The following GAK variants were observed in gnomAD, a reference collection of about 807,000 sequenced individuals.
GAK encodes cyclin-G-associated kinase.
Under a neutral mutation model 143.9 loss-of-function variants are expected in GAK, and 79 were observed. The observed-to-expected ratio is 0.55, with a 90% confidence interval of 0.46 to 0.66. The LOEUF (loss-of-function observed/expected upper bound fraction) is 0.66. Ranked by LOEUF, GAK falls within the 30% of genes least tolerant of loss-of-function variation. GAK has a pLI of 0.00. For missense variants in GAK, 1,693 were observed against 1,779.7 expected (o/e 0.95, Z 0.88); for synonymous variants, 881 against 765.5 (o/e 1.15, Z -2.49).
Position 883,318 on chromosome 4 carries a change from G to T in GAK, c.1401C>A (p.Asn467Lys). The T allele has an allele frequency of 1.2e-6, 2 of 1,613,288 alleles. No individual in the cohort carries two copies. Among genetic ancestry groups the T allele is most frequent in the Non-Finnish European group, 1.7e-6 (2 of 1,179,932 alleles). ...PRTYRPSRFH[N>K]RVSECGWAAR... ...GACAAAGCCTGTGGCCACACACCCG[G>T]TTGTGGAACCTGGAGGGCCGGTAGG... Residue 467 changes from asparagine (N) to lysine (K), a missense_variant, in exon 13 of 28, where the codon AAC becomes AAA. Physicochemically the swap from Asn to Lys is moderately conservative, Grantham distance 94. This residue lies in a region of GAK where 871 missense variants were observed against 991.0 expected (regional missense o/e 0.88). Coordinates refer to ENST00000314167, the MANE Select transcript of GAK (RefSeq NM_005255.4).
chr4:876,752 G>A lies in GAK; in HGVS notation c.1975-143C>T, dbSNP rs959324215. 1.3e-5 allele frequency: 9 copies of A among 704,800 alleles called. No homozygotes were observed. In the East Asian group the frequency reaches 2.1e-4, roughly 17 times the overall value. 43.7% of individuals were successfully genotyped at this position (704,800 alleles called of 1,614,324 possible). On this transcript the variant is annotated intron_variant, in intron 17 of 27. Coordinates refer to ENST00000314167, the MANE Select transcript of GAK (RefSeq NM_005255.4). ...ACGGCGCCCCCGTGCCACATGTTGT[G>A]GGGGAAGCGGGAGAGGGTCTGTGTG...
At chr4:859,428 G>C in intron 24 of GAK, 178 bp downstream of exon 24, 1 of 1,564,264 alleles carries the variant, frequency 6.4e-7, no homozygotes, top group Non-Finnish European at 8.6e-7. Flanking sequence ...TTGCCAGTTG[G>C]CAGTCGCCTG....
rs577062103 is a variant in GAK at position 849,958 on chromosome 4, G to A, written c.3768C>T (p.Asp1256=). 1.5e-5 allele frequency: 24 copies of A among 1,611,868 alleles called. No individual in the cohort carries two copies. In the East Asian group the frequency reaches 5.1e-4, roughly 34 times the overall value. The change falls in exon 27 of 28, where the codon GAC becomes GAT. Residue 1256 remains aspartate, a synonymous_variant. Coordinates refer to ENST00000314167, the MANE Select transcript of GAK (RefSeq NM_005255.4). ...TCTTCACTTGCTCCGGAGCCACCAGGTCGGCCATGCCCACGGGCGTCCAGC... is the reference window on the plus strand; with the variant it reads ...TCTTCACTTGCTCCGGAGCCACCAGATCGGCCATGCCCACGGGCGTCCAGC... The part of the protein sequence containing the change: ...ESRWTPVGMA[D]LVAPEQVKKH...
chr4:916,310 G>A (rs1019762372), intron 1 of GAK, among the ~76,000 whole-genome samples: 13 of 152,250 alleles, frequency 8.5e-5, no homozygotes, highest in Admixed American at 2.6e-4. Flanking sequence ...CCAGGATGGA[G>A]TGCAGTGGCA....
chr4:883,575 T>TC, intron 12 of GAK, 112 bp from the exon 13 acceptor site: 1 of 1,234,644 alleles, frequency 8.1e-7, no homozygotes, highest in Non-Finnish European at 1.1e-6. Context: ...CTCCGGCAGC[T>TC]CCACCAGCCA....
rs538190060 is a variant in GAK, at chr4:882,455, G to A, written c.1527+242C>T. Among the ~76,000 whole-genome samples the A allele has an allele frequency of 2.0e-4, 31 of 152,272 alleles. 1 individual carries two copies. The highest frequency in any genetic ancestry group is 4.3e-4 in the African/African-American group (18 of 41,556). ...AGGGGAGGTGGGCTCCCCACACAGC[G>A]GAGTGGCCTCCACACGGGCATGCAG... On this transcript the variant is annotated intron_variant, in intron 14 of 27. Transcript: ENST00000314167.
At chr4:918,768 T>C (rs1319158908) in intron 1 of GAK, among the ~76,000 whole-genome samples, 1 of 151,936 alleles carries the variant, frequency 6.6e-6, no homozygotes, top group East Asian at 1.9e-4. Flanking sequence ...CAGCGCCCCA[T>C]GACCTTAGAA....
chr4:882,535 G>A (rs949010304), intron 14 of GAK, among the ~76,000 whole-genome samples, 162 bp downstream of exon 14: 1 of 152,250 alleles, frequency 6.6e-6, no homozygotes, highest in African/African-American at 2.4e-5. Flanking sequence ...TCTGTCATCT[G>A]TCCCCTCCAG....
chr4:912,162 C>T (rs956795557), intron 3 of GAK: 6 of 459,172 alleles, frequency 1.3e-5, no homozygotes, highest in African/African-American at 8.0e-5. Flanking sequence ...GCGGGCTCTC[C>T]GAGTGAACAG....
At chr4:922,701 A>C (rs946530455) in intron 1 of GAK, among the ~76,000 whole-genome samples, 30 of 152,082 alleles carry the variant, frequency 2.0e-4, no homozygotes, top group African/African-American at 7.2e-4. Context: ...ACGCTCCTAC[A>C]TTGCTGGTGG....
At chr4:851,366 G>A (rs1748109757) in intron 25 of GAK, 2 of 455,842 alleles carry the variant, frequency 4.4e-6, no homozygotes, top group South Asian at 4.8e-5. Flanking sequence ...AAAGTGCTGG[G>A]ATTATAGGCG....
chr4:873,988 G>T (rs758457257), intron 18 of GAK, among the ~76,000 whole-genome samples: 4 of 152,246 alleles, frequency 2.6e-5, no homozygotes, highest in South Asian at 4.2e-4. Context: ...TTGTTCTGGC[G>T]AATTCATCAC....
chr4:928,446 A>C (rs2152984265), intron 1 of GAK, among the ~76,000 whole-genome samples: 1 of 152,300 alleles, frequency 6.6e-6, no homozygotes, highest in South Asian at 2.1e-4. Context: ...CAGGGGGATC[A>C]CGTAGGCCCA....
intron 15 of GAK, among the ~76,000 whole-genome samples, chr4:879,459 C>T (rs1052882252): frequency 6.6e-6 from 1 of 151,844 alleles, no homozygotes; most frequent in Non-Finnish European, 1.5e-5. Flanking sequence ...TTTCCTTTTA[C>T]TTCCTGTTGA....
At chr4:867,634 C>T (rs1751457853) in intron 20 of GAK, among the ~76,000 whole-genome samples, 1 of 151,484 alleles carries the variant, frequency 6.6e-6, no homozygotes, top group Non-Finnish European at 1.5e-5. Context: ...CCAGGGTCCC[C>T]ATGGCATGGC....
intron 11 of GAK, among the ~76,000 whole-genome samples, chr4:885,338 G>A (rs1406304656): frequency 6.6e-6 from 1 of 152,208 alleles, no homozygotes; most frequent in African/African-American, 2.4e-5. Flanking sequence ...CACTTTGGGA[G>A]GCCGAGGCAG....
chr4:922,273 C>A (rs962169900), intron 1 of GAK, among the ~76,000 whole-genome samples: 1 of 151,938 alleles, frequency 6.6e-6, no homozygotes, highest in Non-Finnish European at 1.5e-5. Context: ...CCAGCACTTT[C>A]GGAGGCCGAG....
Position 918,877 on chromosome 4 carries a change from C to T in GAK, c.146-5209G>A, listed in dbSNP as rs536412340. ...CATGACCTTAGAAAGACAGAAGGCTCCAAAGGCCTCAGCGCCCCATGACCT... is the reference window on the plus strand; with the variant it reads ...CATGACCTTAGAAAGACAGAAGGCTTCAAAGGCCTCAGCGCCCCATGACCT... On this transcript the variant is annotated intron_variant, in intron 1 of 27. Coordinates refer to ENST00000314167, the MANE Select transcript of GAK (RefSeq NM_005255.4). Among the ~76,000 whole-genome samples, 22 of 134,234 alleles carry T rather than the reference C, an allele frequency of 1.6e-4. 1 individual carries two copies. The East Asian group carries it at 5.3e-3, about 32-fold the overall frequency. 88.1% of individuals were successfully genotyped at this position (134,234 alleles called of 152,430 possible). A position where few individuals can be genotyped will look rare whatever the true frequency, so the allele number is the denominator to read the frequency against.
intron 6 of GAK, among the ~76,000 whole-genome samples, chr4:897,145 G>A (rs899571269): frequency 7.2e-5 from 11 of 152,222 alleles, no homozygotes; most frequent in African/African-American, 2.7e-4. Context: ...GCAGAGCTGT[G>A]AGGAGACAGT....
Sources: allele counts gnomAD v4.1 joint callset (sites outside exome capture counted in the v4.1 genomes callset), GRCh38; gene constraint gnomAD v4.1.1; regional missense constraint gnomAD v4.1.1; transcripts MANE v1.5; gene names NCBI Gene and HGNC (gene_info 2026-07-23, HGNC 2026-07-21).